FGD4: variants seen among roughly 807,000 people sequenced by gnomAD.
The protein encoded by FGD4 is FYVE, RhoGEF and PH domain containing 4.
A neutral mutation model predicts 102.0 loss-of-function variants in FGD4; 42 were observed. The observed-to-expected ratio is 0.41, with a 90% CI of 0.32 to 0.53. FGD4 has a LOEUF of 0.53. FGD4 is among the 20% of genes least tolerant of loss of function. FGD4 has a pLI of 0.21. For missense variants in FGD4, 902 were observed against 1,078.2 expected (o/e 0.84, Z 2.29); for synonymous variants, 380 against 375.7 (o/e 1.01, Z -0.13).
chr12:32,569,996 A>G (rs1173026820), intron 2 of FGD4, among the ~76,000 whole-genome samples: 1 of 152,150 alleles, frequency 6.6e-6, no homozygotes, highest in Non-Finnish European at 1.5e-5. Context: ...TAATCCCAGC[A>G]CTTTGGGAGG....
intron 4 of FGD4, among the ~76,000 whole-genome samples, chr12:32,584,544 C>A (rs2291884): frequency 0.49 from 73,827 of 151,748 alleles, 19,924 homozygotes; most frequent in African/African-American, 0.73. Flanking sequence ...TTAGTGAAAG[C>A]ATCTAAACTG....
At chr12:32,503,284 A>G (rs541618643) in intron 1 of FGD4, among the ~76,000 whole-genome samples, 22 of 152,206 alleles carry the variant, frequency 1.4e-4, no homozygotes, top group Admixed American at 8.5e-4. Flanking sequence ...TTTTTACTTG[A>G]TAGAGGAAAG....
intron 1 of FGD4, among the ~76,000 whole-genome samples, chr12:32,561,377 G>A (rs565044751): frequency 5.3e-5 from 8 of 152,168 alleles, no homozygotes; most frequent in South Asian, 2.1e-4. Context: ...ATGAGCCACC[G>A]CACCTGGCCC....
intron 1 of FGD4, among the ~76,000 whole-genome samples, chr12:32,422,287 GCTTTT>G (rs1941660696): frequency 1.1e-5 from 1 of 91,678 alleles, no homozygotes; most frequent in African/African-American, 4.0e-5. Context: ...ATTGGGAGCT[GCTTTT>G]TTTTTTTTTT....
intron 1 of FGD4, among the ~76,000 whole-genome samples, chr12:32,457,632 T>C (rs547079956): frequency 6.6e-6 from 1 of 152,358 alleles, no homozygotes; most frequent in South Asian, 2.1e-4. Context: ...ATGTCTTCAG[T>C]GGACTCAGAA....
At chr12:32,576,163 A>G (rs1946112596) in intron 2 of FGD4, 103 bp from the exon 3 acceptor site, 7 of 1,222,794 alleles carry the variant, frequency 5.7e-6, no homozygotes, top group Non-Finnish European at 3.4e-6. Flanking sequence ...CCCCTTTACA[A>G]TAATTTTATA....
At chr12:32,421,768 CCAA>C (rs773592721) in intron 1 of FGD4, among the ~76,000 whole-genome samples, 1 of 152,058 alleles carries the variant, frequency 6.6e-6, no homozygotes, top group Non-Finnish European at 1.5e-5. Context: ...AAACAAAAAA[CCAA>C]CAACAACAAA....
In FGD4 at chr12:32,581,977, G is replaced by A. The variant is rs1192524339; in HGVS notation, c.521G>A (p.Ser174Asn). The A allele has an allele frequency of 6.2e-7, 1 of 1,613,990 alleles. No homozygotes were observed. Among genetic ancestry groups the A allele is most frequent in the East Asian group, 2.2e-5 (1 of 44,888 alleles). ...FEGGSSLSNY[S>N]DLKKESAVNL... Reference sequence around the variant, plus strand: ...TCTTTTAGCTCATTATCAAATTATAGTGATTTGAAGAAAGAGTCTGCTGTG... The same window carrying A: ...TCTTTTAGCTCATTATCAAATTATAATGATTTGAAGAAAGAGTCTGCTGTG... Residue 174 changes from serine (S) to asparagine (N), a missense_variant, in exon 4 of 17, where the codon AGT becomes AAT. Around this residue, in one of 2 missense-constraint regions of FGD4, gnomAD observed 443 missense variants for 459.2 expected, o/e 0.96. Coordinates refer to ENST00000534526, the MANE Select transcript of FGD4 (RefSeq NM_001370298.3).
intron 15 of FGD4, among the ~76,000 whole-genome samples, chr12:32,636,892 A>C (rs1950860229): frequency 7.0e-6 from 1 of 142,946 alleles, no homozygotes; most frequent in Non-Finnish European, 1.5e-5. Flanking sequence ...TTTTTTTTAG[A>C]CAGAGTCTTG....
chr12:32,407,514 C>T (rs1430413831), intron 1 of FGD4, among the ~76,000 whole-genome samples: 1 of 152,120 alleles, frequency 6.6e-6, no homozygotes, highest in African/African-American at 2.4e-5. Flanking sequence ...ATGGGTAAAC[C>T]CCACTTTGGT....
chr12:32,598,376 C>A (rs1383501972), intron 4 of FGD4, 121 bp from the exon 5 acceptor site: 10 of 673,488 alleles, frequency 1.5e-5, no homozygotes, highest in Admixed American at 2.8e-5. Flanking sequence ...GCTGAAAGAA[C>A]CGAGTAACTG....
chr12:32,607,806 G>T, intron 7 of FGD4, 151 bp from the exon 8 acceptor site: 2 of 787,968 alleles, frequency 2.5e-6, no homozygotes, highest in South Asian at 1.6e-5. Context: ...GAGACACTGT[G>T]CCTGGCCAGA....
intron 1 of FGD4, among the ~76,000 whole-genome samples, chr12:32,549,730 C>T (rs2136184169): frequency 6.6e-6 from 1 of 152,316 alleles, no homozygotes; most frequent in Non-Finnish European, 1.5e-5. Context: ...CAGTGAATGT[C>T]AAGGCAGACT....
intron 1 of FGD4, among the ~76,000 whole-genome samples, chr12:32,432,887 A>G (rs189339780): frequency 6.6e-6 from 1 of 152,308 alleles, no homozygotes; most frequent in East Asian, 1.9e-4. Context: ...CAAAATACAT[A>G]TTTTAATGCC....
At chr12:32,609,945 C>G (rs1949039456) in intron 8 of FGD4, among the ~76,000 whole-genome samples, 1 of 152,184 alleles carries the variant, frequency 6.6e-6, no homozygotes, top group Non-Finnish European at 1.5e-5. Context: ...TCTGGAGCTC[C>G]TACGATGTCC....
chr12:32,515,258 T>C (rs1217770123), intron 1 of FGD4, among the ~76,000 whole-genome samples: 1 of 152,180 alleles, frequency 6.6e-6, no homozygotes, highest in African/African-American at 2.4e-5. Flanking sequence ...CCCACTCCAA[T>C]AAGGAGAATT....
intron 1 of FGD4, among the ~76,000 whole-genome samples, chr12:32,453,383 G>A (rs917000445): frequency 1.3e-5 from 2 of 151,348 alleles, no homozygotes; most frequent in African/African-American, 2.4e-5. Context: ...ACAGGTATGC[G>A]CCATCATGCC....
rs542408120 is a variant in FGD4 at position 32,524,631 on chromosome 12, C to T, written c.167-39506C>T. ...CTTGAGCCTAGGAGTTTGAGATCAT[C>T]CTTGACAACACAGGGAGACTCTGAC... On this transcript the variant is annotated intron_variant, in intron 1 of 16. Transcript: ENST00000534526. Among the ~76,000 whole-genome samples, 11 of 151,950 alleles carry T rather than the reference C, an allele frequency of 7.2e-5. No individual in the cohort carries two copies. In the East Asian group the frequency reaches 1.6e-3, roughly 21 times the overall value.
At chr12:32,607,898 GT>G (rs1205183914) in intron 7 of FGD4, 58 bp from the exon 8 acceptor site, 1 of 1,603,060 alleles carries the variant, frequency 6.2e-7, no homozygotes, top group Middle Eastern at 1.7e-4. Context: ...TTTACAGTGA[GT>G]TTTTAGACTT....
Sources: allele counts gnomAD v4.1 joint callset (sites outside exome capture counted in the v4.1 genomes callset), GRCh38; gene constraint gnomAD v4.1.1; regional missense constraint gnomAD v4.1.1; transcripts MANE v1.5; gene names NCBI Gene and HGNC (gene_info 2026-07-23, HGNC 2026-07-21).